ADAMTS19: variants seen among roughly 807,000 people sequenced by gnomAD.
The protein encoded by ADAMTS19 is A disintegrin and metalloproteinase with thrombospondin motifs 19.
Under a neutral mutation model 153.3 loss-of-function variants are expected in ADAMTS19, and 93 were observed. The ratio of observed to expected loss-of-function variants is 0.61; its 90% CI spans 0.51 to 0.72. ADAMTS19 has a LOEUF of 0.72. Ranked by LOEUF, ADAMTS19 falls within the 30% of genes least tolerant of loss-of-function variation. The pLI, the probability that ADAMTS19 is intolerant of heterozygous loss-of-function variation, is 0.00. For missense variants in ADAMTS19, 1,482 were observed against 1,552.1 expected (o/e 0.95, Z 0.76); for synonymous variants, 600 against 556.6 (o/e 1.08, Z -1.10).
At chr5:129,726,171 G>T (rs1453219904) in intron 21 of ADAMTS19, among the ~76,000 whole-genome samples, 1 of 152,108 alleles carries the variant, frequency 6.6e-6, no homozygotes, top group Non-Finnish European at 1.5e-5. Flanking sequence ...CATCATGATT[G>T]TGTTTCCTAT....
At chr5:129,696,323 A>C (rs1418230235) in intron 19 of ADAMTS19, among the ~76,000 whole-genome samples, 1 of 152,204 alleles carries the variant, frequency 6.6e-6, no homozygotes, top group Non-Finnish European at 1.5e-5. Context: ...AGGCTGAGGC[A>C]GGAGAATCAC....
intron 10 of ADAMTS19, among the ~76,000 whole-genome samples, 176 bp from the exon 11 acceptor site, chr5:129,641,683 C>T (rs1752792262): frequency 6.6e-6 from 1 of 151,992 alleles, no homozygotes; most frequent in Non-Finnish European, 1.5e-5. Context: ...CTTCCCATCA[C>T]TATAAATGAG....
intron 12 of ADAMTS19, among the ~76,000 whole-genome samples, chr5:129,648,319 T>C (rs1753159201): frequency 1.3e-5 from 2 of 152,202 alleles, no homozygotes; most frequent in Non-Finnish European, 2.9e-5. Flanking sequence ...TATTATGGGA[T>C]CAGCTTGTTC....
At chr5:129,496,725 G>A (rs543416633) in intron 2 of ADAMTS19, among the ~76,000 whole-genome samples, 1 of 152,066 alleles carries the variant, frequency 6.6e-6, no homozygotes, top group South Asian at 2.1e-4. Flanking sequence ...TGCTGCAAAG[G>A]CTCATCACCA....
intron 2 of ADAMTS19, among the ~76,000 whole-genome samples, chr5:129,504,872 G>GACACACAGACAC (rs1554087671): frequency 6.8e-6 from 1 of 148,110 alleles, no homozygotes; most frequent in African/African-American, 2.5e-5. Flanking sequence ...CACACACACA[G>GACACACAGACAC]ACACACACAC....
intron 2 of ADAMTS19, among the ~76,000 whole-genome samples, chr5:129,491,770 CTAT>C: frequency 6.6e-6 from 1 of 152,222 alleles, no homozygotes; most frequent in African/African-American, 2.4e-5. Context: ...TCTCACTCTA[CTAT>C]TCTCTTTTAA....
chr5:129,634,273 C>G (rs1752435124), intron 10 of ADAMTS19, among the ~76,000 whole-genome samples: 1 of 152,108 alleles, frequency 6.6e-6, no homozygotes, highest in East Asian at 1.9e-4. Flanking sequence ...AAATACTGCT[C>G]AAAGTAATCA....
At chr5:129,466,822 A>G (rs11242001) in intron 2 of ADAMTS19, among the ~76,000 whole-genome samples, 13,331 of 152,196 alleles carry the variant, frequency 0.088, 840 homozygotes, top group East Asian at 0.34. Flanking sequence ...GGTAGATGAG[A>G]TAAGTGGTGT....
chr5:129,511,574 A>G (rs1751439170), intron 3 of ADAMTS19, among the ~76,000 whole-genome samples: 1 of 151,514 alleles, frequency 6.6e-6, no homozygotes, highest in Admixed American at 6.6e-5. Context: ...CAAACTGGTA[A>G]CTCAGCAATT....
chr5:129,602,826 C>CTGTGTGTGTG (rs56060749), intron 8 of ADAMTS19, among the ~76,000 whole-genome samples: 2,379 of 146,680 alleles, frequency 0.016, 50 homozygotes, highest in African/African-American at 0.044. Context: ...CTTATATTCT[C>CTGTGTGTGTG]TGTGTGTGTG....
chr5:129,704,523 A>G (rs1756057647), intron 21 of ADAMTS19, 132 bp downstream of exon 21: 4 of 1,032,792 alleles, frequency 3.9e-6, no homozygotes, highest in Non-Finnish European at 5.4e-6. Flanking sequence ...TATGGGGCAG[A>G]TTCTGGCTGG....
At position 129,717,636 on chromosome 5, in the gene ADAMTS19, C is replaced by A. The variant is rs570336026; in HGVS notation, c.3312+13245C>A. On this transcript the variant is annotated intron_variant, in intron 21 of 22. Transcript: ENST00000274487. ...AGACTTCTTTTGTGTCGTCTTGAAT[C>A]CGTTTGGCTGGAATACCCACCATCA... Among the ~76,000 whole-genome samples, 4 of 152,312 alleles carry A rather than the reference C, an allele frequency of 2.6e-5. No homozygotes were observed. In the East Asian group the frequency reaches 7.7e-4, roughly 29 times the overall value.
At chr5:129,618,807 A>G (rs761307001) in intron 8 of ADAMTS19, among the ~76,000 whole-genome samples, 27 of 152,022 alleles carry the variant, frequency 1.8e-4, no homozygotes, top group Admixed American at 5.3e-4. Flanking sequence ...ATGTACAAAA[A>G]TGGACTTTTC....
chr5:129,462,248 G>T (rs10044865), intron 2 of ADAMTS19, among the ~76,000 whole-genome samples: 19,943 of 152,148 alleles, frequency 0.13, 3,026 homozygotes, highest in African/African-American at 0.37. Flanking sequence ...GGATTACTCT[G>T]ACAGTTGTCT....
At chr5:129,484,925 C>T (rs1350750199) in intron 2 of ADAMTS19, among the ~76,000 whole-genome samples, 1 of 152,010 alleles carries the variant, frequency 6.6e-6, no homozygotes, top group African/African-American at 2.4e-5. Flanking sequence ...ATTATTTTTT[C>T]TTCTAATCTT....
At chr5:129,700,739 A>G (rs935980772) in intron 19 of ADAMTS19, among the ~76,000 whole-genome samples, 2 of 152,128 alleles carry the variant, frequency 1.3e-5, no homozygotes, top group Non-Finnish European at 1.5e-5. Flanking sequence ...AAAGTCCCAC[A>G]GTATAGTGAT....
At chr5:129,608,116 G>GTGTGTGTGTGTGTGTGTATATA (rs377008786) in intron 8 of ADAMTS19, among the ~76,000 whole-genome samples, 1 of 47,928 alleles carries the variant, frequency 2.1e-5, no homozygotes, top group Non-Finnish European at 5.0e-5. Context: ...GTGTGTGTGT[G>GTGTGTGTGTGTGTGTGTATATA]TATATATATA....
chr5:129,709,455 A>T (rs1467566859), intron 21 of ADAMTS19, among the ~76,000 whole-genome samples: 2 of 152,156 alleles, frequency 1.3e-5, no homozygotes. Flanking sequence ...AATCCACTTC[A>T]TATATTATAT....
intron 6 of ADAMTS19, among the ~76,000 whole-genome samples, chr5:129,549,994 GTATC>G (rs1165442800): frequency 1.0e-5 from 1 of 99,104 alleles, no homozygotes; most frequent in Non-Finnish European, 2.1e-5. Flanking sequence ...ATCTGTATAT[GTATC>G]TAGATATACA....
Sources: gnomAD v4.1 joint callset for allele counts (sites outside exome capture counted in the v4.1 genomes callset) on GRCh38, gnomAD v4.1.1 for gene constraint, MANE v1.5 for transcripts, NCBI Gene and HGNC (gene_info 2026-07-23, HGNC 2026-07-21) for gene names.